Variants in OPCML observed in about 807,000 individuals in gnomAD.
OPCML encodes opioid binding protein/cell adhesion molecule like, also known as opioid-binding protein/cell adhesion molecule.
Under a neutral mutation model 37.8 loss-of-function variants are expected in OPCML, and 13 were observed. The ratio of observed to expected loss-of-function variants is 0.34; its 90% confidence interval spans 0.22 to 0.55. The LOEUF (loss-of-function observed/expected upper bound fraction) is 0.55. OPCML is among the 20% of genes least tolerant of loss of function. OPCML has a pLI of 0.91. For synonymous variants in OPCML, 176 were observed against 168.8 expected, an observed-to-expected ratio of 1.04 and a Z score of -0.33; for missense variants, 341 against 435.6, an observed-to-expected ratio of 0.78 and a Z score of 1.93.
At chr11:132,690,149 A>G (rs1024026467) in intron 2 of OPCML, among the ~76,000 whole-genome samples, 1 of 152,140 alleles carries the variant, frequency 6.6e-6, no homozygotes, top group Non-Finnish European at 1.5e-5. Context: ...TATGTTGCCC[A>G]GGTTGGCCTC....
At chr11:132,431,566 C>T (rs1026846472) in intron 7 of OPCML, among the ~76,000 whole-genome samples, 1 of 152,218 alleles carries the variant, frequency 6.6e-6, no homozygotes, top group Admixed American at 6.5e-5. Flanking sequence ...CATTTCATAT[C>T]AGTGCCAACA....
chr11:133,091,931 TA>T (rs1445387964), intron 1 of OPCML, among the ~76,000 whole-genome samples: 3 of 152,054 alleles, frequency 2.0e-5, no homozygotes, highest in Admixed American at 1.3e-4. Flanking sequence ...TTTGGAGGCG[TA>T]GGGGTGGAAT....
At position 133,479,053 on chromosome 11, in the gene OPCML, G is replaced by A. The variant is rs185996633; in HGVS notation, c.61+53211C>T. ...TGTATAATGGAGATGATAACAGGAC[G>A]CACTTTAAAGGATACGTAAAATGAC... On this transcript the variant is annotated intron_variant, in intron 1 of 7. Coordinates refer to ENST00000524381, the MANE Select transcript of OPCML (RefSeq NM_001012393.5). Among the ~76,000 whole-genome samples the A allele has an allele frequency of 2.1e-3, 313 of 152,232 alleles. 1 individual carries two copies. Among genetic ancestry groups the A allele is most frequent in the African/African-American group, 7.1e-3 (295 of 41,532 alleles).
chr11:133,065,326 C>G (rs879800568), intron 1 of OPCML: 1 of 152,150 alleles, frequency 6.6e-6, no homozygotes, highest in African/African-American at 2.4e-5. Flanking sequence ...GAAGGGGTGC[C>G]GATGACGTGG....
intron 1 of OPCML, among the ~76,000 whole-genome samples, chr11:133,514,291 C>T (rs529842159): frequency 5.3e-5 from 8 of 152,170 alleles, no homozygotes; most frequent in Non-Finnish European, 8.8e-5. Flanking sequence ...GGCGAGTTGG[C>T]TGCTCCCTAG....
At position 133,174,756 on chromosome 11, in the gene OPCML, G is replaced by C. The variant is rs1180157719; in HGVS notation, c.62-231746C>G. Among the ~76,000 whole-genome samples the C allele has an allele frequency of 6.6e-6, 1 of 151,322 alleles. No homozygotes were observed. The highest frequency in any genetic ancestry group is 2.1e-4 in the South Asian group (1 of 4,804). Reference sequence around the variant, plus strand: ...TATCTATATTTTCATCTCTCTGACTGTTTTAGTCATTCAACTCTATATTAT... The same window carrying C: ...TATCTATATTTTCATCTCTCTGACTCTTTTAGTCATTCAACTCTATATTAT... On this transcript the variant is annotated intron_variant, in intron 1 of 7. Transcript: ENST00000524381. This position sits in a 1 kb window ranked among gnomAD's most constrained non-coding sequence, Gnocchi z 4.6.
chr11:133,512,599 G>C (rs1472247051), intron 1 of OPCML, among the ~76,000 whole-genome samples: 2 of 152,198 alleles, frequency 1.3e-5, no homozygotes, highest in African/African-American at 4.8e-5. Context: ...ACAACTGGAA[G>C]TCCCAACCTT....
At chr11:133,501,552 TG>T (rs1947915485) in intron 1 of OPCML, among the ~76,000 whole-genome samples, 2 of 152,160 alleles carry the variant, frequency 1.3e-5, no homozygotes, top group African/African-American at 2.4e-5. Flanking sequence ...CATAGTCCCA[TG>T]GGGTTAACTC....
intron 7 of OPCML, among the ~76,000 whole-genome samples, chr11:132,423,890 G>A (rs1353895564): frequency 6.6e-6 from 1 of 152,150 alleles, no homozygotes; most frequent in Non-Finnish European, 1.5e-5. Context: ...CTCAGCAGTG[G>A]TAGCACTGAA....
At chr11:133,272,900 G>A (rs1592157223) in intron 1 of OPCML, among the ~76,000 whole-genome samples, 1 of 152,142 alleles carries the variant, frequency 6.6e-6, no homozygotes, top group South Asian at 2.1e-4. Flanking sequence ...CAGAAGAAAT[G>A]TTATTGCTTT....
At chr11:132,421,332 A>T (rs1030735923) in intron 7 of OPCML, among the ~76,000 whole-genome samples, 1 of 152,180 alleles carries the variant, frequency 6.6e-6, no homozygotes, top group African/African-American at 2.4e-5. Flanking sequence ...AGCAAAGGAG[A>T]TTCAAAGGAG....
intron 1 of OPCML, among the ~76,000 whole-genome samples, chr11:133,227,084 G>A (rs976315127): frequency 1.3e-5 from 2 of 152,170 alleles, no homozygotes; most frequent in South Asian, 2.1e-4. Flanking sequence ...CGTGTTAGGG[G>A]GGGGTGCTGT....
chr11:133,272,180 G>A (rs1268773666), intron 1 of OPCML, among the ~76,000 whole-genome samples: 3 of 149,852 alleles, frequency 2.0e-5, no homozygotes, highest in Non-Finnish European at 4.4e-5. Context: ...ACTGCTTGCT[G>A]TGATAGTTAG....
At chr11:133,294,980 T>TGCCC (rs969667940) in intron 1 of OPCML, among the ~76,000 whole-genome samples, 16 of 151,868 alleles carry the variant, frequency 1.1e-4, no homozygotes, top group Non-Finnish European at 2.4e-4. Flanking sequence ...CCTGCCACCA[T>TGCCC]GCCCAGCTAA....
intron 3 of OPCML, among the ~76,000 whole-genome samples, chr11:132,597,097 T>A (rs1189327225): frequency 6.6e-6 from 1 of 152,190 alleles, no homozygotes; most frequent in Non-Finnish European, 1.5e-5. Flanking sequence ...TGTCTACTCA[T>A]ACAGTGTGAT....
chr11:132,616,660 A>T (rs1197913384), intron 3 of OPCML, among the ~76,000 whole-genome samples: 1 of 152,218 alleles, frequency 6.6e-6, no homozygotes, highest in Non-Finnish European at 1.5e-5. Flanking sequence ...ATAGTCTATC[A>T]ATTGTTTCAT....
At chr11:133,184,408 G>A (rs562301515) in intron 1 of OPCML, among the ~76,000 whole-genome samples, 44 of 152,288 alleles carry the variant, frequency 2.9e-4, no homozygotes, top group African/African-American at 1.0e-3. Flanking sequence ...AGGATGGGAA[G>A]GTTATGAATG....
At chr11:133,392,205 T>C (rs1945187856) in intron 1 of OPCML, among the ~76,000 whole-genome samples, 1 of 152,152 alleles carries the variant, frequency 6.6e-6, no homozygotes, top group Non-Finnish European at 1.5e-5. Context: ...GAAGTAAATA[T>C]AAGTATGACC....
intron 4 of OPCML, among the ~76,000 whole-genome samples, chr11:132,491,418 T>C (rs1205632641): frequency 1.3e-5 from 2 of 152,172 alleles, no homozygotes; most frequent in Non-Finnish European, 2.9e-5. Flanking sequence ...TTCCCGAGAG[T>C]GCTCCTTGCT....
Sources: allele counts gnomAD v4.1 joint callset (sites outside exome capture counted in the v4.1 genomes callset), GRCh38; gene constraint gnomAD v4.1.1; non-coding constraint Gnocchi (gnomAD v3.1); transcripts MANE v1.5; gene names NCBI Gene and HGNC (gene_info 2026-07-23, HGNC 2026-07-21).